PMFBP1: variants seen among roughly 807,000 people sequenced by gnomAD.
PMFBP1 encodes polyamine-modulated factor 1-binding protein 1.
In PMFBP1, 131 loss-of-function variants were observed where a neutral mutation model predicts 137.8. That is an observed-to-expected ratio of 0.95 (90% confidence interval 0.82 to 1.10). The LOEUF (loss-of-function observed/expected upper bound fraction) is 1.10, where lower values mean the gene tolerates loss of function less well. PMFBP1 is among the 50% of genes least tolerant of loss of function. The probability of loss-of-function intolerance (pLI) is 0.00; values close to 1 mark genes in which losing one functional copy is unlikely to be tolerated. For missense variants in PMFBP1, 1,199 were observed against 1,175.4 expected, an observed-to-expected ratio of 1.02 and a Z score of -0.29; for synonymous variants, 490 against 450.4, an observed-to-expected ratio of 1.09 and a Z score of -1.11.
At chr16:72,118,449 G>A (rs187567320), downstream of PMFBP1, among the ~76,000 whole-genome samples, 240 of 152,246 alleles carry the variant, frequency 1.6e-3, 2 homozygotes, top group Admixed American at 3.5e-3. Context: ...GCCTTTATTA[G>A]GCCCAGGAAG....
chr16:72,237,244 G>A, the PMFBP1 span, among the ~76,000 whole-genome samples: 1 of 152,146 alleles, frequency 6.6e-6, no homozygotes, highest in Non-Finnish European at 1.5e-5. Flanking sequence ...ACGTTATTTG[G>A]TTAGGTTCTG....
chr16:72,204,391 A>G, the PMFBP1 span, among the ~76,000 whole-genome samples: 2 of 152,040 alleles, frequency 1.3e-5, no homozygotes, highest in Non-Finnish European at 2.9e-5. Flanking sequence ...TTGTGGAGAT[A>G]GGGTTTTACT....
At chr16:72,140,792 T>C (rs748163726) in intron 5 of PMFBP1, among the ~76,000 whole-genome samples, 23 of 152,026 alleles carry the variant, frequency 1.5e-4, no homozygotes, top group Non-Finnish European at 2.6e-4. Flanking sequence ...CACTGAAAGA[T>C]AAGTCTTCCT....
In PMFBP1 at chr16:72,129,691, T is replaced by C. The variant is rs142988495; in HGVS notation, c.1783-458A>G. ...TTGAATCCTAGAAAGAACAACATTGTCATTTGATTAATTTTAAGGTTAACC... is the reference window on the plus strand; with the variant it reads ...TTGAATCCTAGAAAGAACAACATTGCCATTTGATTAATTTTAAGGTTAACC... On this transcript the variant is annotated intron_variant, in intron 12 of 20. Coordinates refer to ENST00000237353, the MANE Select transcript of PMFBP1 (RefSeq NM_031293.3). 9.8e-5 allele frequency among the ~76,000 whole-genome samples: 15 copies of C among 152,334 alleles called. No homozygotes were observed. The East Asian group carries it at 2.7e-3, about 27-fold the overall frequency.
intron 3 of PMFBP1, chr16:72,164,344 C>T (rs1472462820): frequency 1.0e-5 from 12 of 1,186,104 alleles, no homozygotes; most frequent in Non-Finnish European, 1.1e-5. Flanking sequence ...AATAAAGACC[C>T]CCTGCTACCC....
chr16:72,228,195 G>A, the PMFBP1 span, among the ~76,000 whole-genome samples: 13 of 152,174 alleles, frequency 8.5e-5, no homozygotes, highest in East Asian at 1.9e-4. Flanking sequence ...TCCCACCGTC[G>A]TTGACATAGG....
chr16:72,227,852 G>A, the PMFBP1 span, among the ~76,000 whole-genome samples: 1 of 152,128 alleles, frequency 6.6e-6, no homozygotes, highest in South Asian at 2.1e-4. Flanking sequence ...TTAGCATTGT[G>A]CCCCCACACA....
the PMFBP1 span, among the ~76,000 whole-genome samples, chr16:72,211,380 A>G: frequency 6.6e-6 from 1 of 152,202 alleles, no homozygotes; most frequent in South Asian, 2.1e-4. Flanking sequence ...CCTAGGGACT[A>G]AACTTCCCCA....
At chr16:72,203,308 G>A in the PMFBP1 span, among the ~76,000 whole-genome samples, 2 of 152,254 alleles carry the variant, frequency 1.3e-5, no homozygotes, top group Non-Finnish European at 2.9e-5. Context: ...CCTGGAGCAT[G>A]TCTGGTCACT....
chr16:72,128,676 A>G lies in PMFBP1; in HGVS notation c.2069T>C (p.Ile690Thr). The G allele has an allele frequency of 6.2e-7, 1 of 1,614,150 alleles. No individual in the cohort carries two copies. The highest frequency in any genetic ancestry group is 8.5e-7 in the Non-Finnish European group (1 of 1,180,026). ...LNKYNTSQQV[I>T]QDLNKEIALQ... ...ACTCACCTCTTTATTCAAGTCTTGG[A>G]TGACTTGCTGGCTGGTGTTGTATTT... Residue 690 changes from isoleucine (I) to threonine (T), a missense_variant, in exon 14 of 21, where the codon ATC (isoleucine) becomes ACC (threonine). Ile to Thr is a moderately conservative substitution (Grantham distance 89). Coordinates refer to ENST00000237353, the MANE Select transcript of PMFBP1 (RefSeq NM_031293.3).
chr16:72,247,311 A>G, the PMFBP1 span, among the ~76,000 whole-genome samples: 1 of 152,214 alleles, frequency 6.6e-6, no homozygotes, highest in Non-Finnish European at 1.5e-5. Context: ...AGGAGAGAAA[A>G]GCAGCATCCT....
chr16:72,156,921 C>T (rs962536701), intron 3 of PMFBP1, among the ~76,000 whole-genome samples: 2 of 151,878 alleles, frequency 1.3e-5, no homozygotes, highest in Admixed American at 6.6e-5. Flanking sequence ...GGTGCGGTGG[C>T]TCACACCTGT....
intron 3 of PMFBP1, chr16:72,164,270 T>C: frequency 1.8e-6 from 1 of 550,102 alleles, no homozygotes; most frequent in South Asian, 1.7e-5. Context: ...AACCTGAGCT[T>C]GTCCTATGAT....
the PMFBP1 span, among the ~76,000 whole-genome samples, chr16:72,191,993 G>T: frequency 6.6e-6 from 1 of 152,178 alleles, no homozygotes; most frequent in South Asian, 2.1e-4. Flanking sequence ...GAAGCAGAAT[G>T]ATCAAATGCG....
chr16:72,141,105 T>G lies in PMFBP1; in HGVS notation c.637-523A>C, dbSNP rs2042715096. On this transcript the variant is annotated intron_variant, in intron 5 of 20. Coordinates refer to ENST00000237353, the MANE Select transcript of PMFBP1 (RefSeq NM_031293.3). ...ATGTGCCACCATGCCGGGCTAATTT[T>G]TTTGTATTTTTAGTAGAGACAGGGT... Among the ~76,000 whole-genome samples, 4 of 152,002 alleles carry G rather than the reference T, an allele frequency of 2.6e-5. No individual in the cohort carries two copies. In the South Asian group the frequency reaches 8.3e-4, roughly 32 times the overall value.
chr16:72,209,864 G>A, the PMFBP1 span, among the ~76,000 whole-genome samples: 8 of 152,304 alleles, frequency 5.3e-5, no homozygotes, highest in South Asian at 1.7e-3. Context: ...AGGCAGCAGG[G>A]CATGTTTTCC....
downstream of PMFBP1, among the ~76,000 whole-genome samples, chr16:72,117,432 G>T (rs1031384990): frequency 6.6e-6 from 1 of 152,086 alleles, no homozygotes; most frequent in Non-Finnish European, 1.5e-5. Context: ...AGAGTCTTTA[G>T]GGTTTTTTAC....
the PMFBP1 span, among the ~76,000 whole-genome samples, chr16:72,226,810 A>G: frequency 5.9e-5 from 9 of 152,216 alleles, no homozygotes; most frequent in Non-Finnish European, 1.0e-4. Flanking sequence ...ACATGTCAAG[A>G]GAGACCTTTT....
the PMFBP1 span, among the ~76,000 whole-genome samples, chr16:72,223,848 A>T: frequency 2.6e-5 from 4 of 152,326 alleles, no homozygotes; most frequent in African/African-American, 9.6e-5. Context: ...ACACATTGGA[A>T]AATTACTAGC....
Sources: allele counts gnomAD v4.1 joint callset (sites outside exome capture counted in the v4.1 genomes callset), GRCh38; gene constraint gnomAD v4.1.1; transcripts MANE v1.5; gene names NCBI Gene and HGNC (gene_info 2026-07-23, HGNC 2026-07-21).